FOXN2: variants seen among roughly 807,000 people sequenced by gnomAD.
FOXN2 encodes the protein forkhead box protein N2.
Under a neutral mutation model 41.2 loss-of-function variants are expected in FOXN2, and 19 were observed. That is an observed-to-expected ratio of 0.46 (90% confidence interval 0.32 to 0.68). FOXN2 has a LOEUF of 0.68. Among genes scored for constraint, FOXN2 ranks in the 30% least tolerant of loss-of-function variants. The pLI is 0.03. For synonymous variants in FOXN2, 195 were observed against 176.8 expected (o/e 1.10, Z -0.82); for missense variants, 587 against 509.4 (o/e 1.15, Z -1.47).
At chr2:48,327,113 C>T (rs1360711538) in intron 1 of FOXN2, among the ~76,000 whole-genome samples, 4 of 152,002 alleles carry the variant, frequency 2.6e-5, no homozygotes, top group African/African-American at 7.2e-5. Context: ...CTGAACTTTA[C>T]GTCACGTATA....
intron 3 of FOXN2, 93 bp downstream of exon 3, chr2:48,346,844 G>T (rs538869527): frequency 3.7e-5 from 39 of 1,060,758 alleles, no homozygotes; most frequent in Non-Finnish European, 5.0e-5. Flanking sequence ...GAGACAATAA[G>T]TAGTCAAGTC....
rs372780873 is a variant in FOXN2, at chr2:48,372,922, C to CA, written c.704-356dup. ...TAATGATAGTATTCAAGTAAAAATG[C>CA]AAAAAAAAAAAAAAGGAGTAACGAT... On this transcript the variant is annotated intron_variant, in intron 5 of 6. Coordinates refer to ENST00000340553, the MANE Select transcript of FOXN2 (RefSeq NM_002158.4). Among the ~76,000 whole-genome samples, 315 of 107,490 alleles carry CA rather than the reference C, an allele frequency of 2.9e-3. 3 individuals are homozygous for CA. Among genetic ancestry groups the CA allele is most frequent in the South Asian group, 5.4e-3 (20 of 3,692 alleles). 70.5% of individuals were successfully genotyped at this position (107,490 alleles called of 152,430 possible).
intron 5 of FOXN2, among the ~76,000 whole-genome samples, chr2:48,369,538 C>CA (rs1256525841): frequency 4.0e-5 from 6 of 151,008 alleles, no homozygotes; most frequent in South Asian, 2.1e-4. Flanking sequence ...AACTCCATCT[C>CA]AAAAAAAAGA....
intron 2 of FOXN2, among the ~76,000 whole-genome samples, chr2:48,345,720 T>G (rs1419370810): frequency 6.6e-6 from 1 of 152,112 alleles, no homozygotes; most frequent in Non-Finnish European, 1.5e-5. Flanking sequence ...TAGTAAATAT[T>G]TGAGATTTGA....
chr2:48,316,032 C>A (rs1240344152), intron 1 of FOXN2, among the ~76,000 whole-genome samples: 2 of 151,976 alleles, frequency 1.3e-5, no homozygotes, highest in African/African-American at 2.4e-5. Flanking sequence ...GCCACGTGGC[C>A]GGCTGAGTGT....
At chr2:48,347,021 C>T (rs1572736890) in intron 3 of FOXN2, among the ~76,000 whole-genome samples, 1 of 152,076 alleles carries the variant, frequency 6.6e-6, no homozygotes, top group East Asian at 1.9e-4. Context: ...CTGTAGTGTT[C>T]CTATAACTAT....
Position 48,346,745 on chromosome 2 carries a change from T to C in FOXN2, c.531T>C (p.His177=), listed in dbSNP as rs761974067. The part of the protein sequence containing the change: ...NKCFQKVERS[H]GKVNGKGSLW... Reference sequence around the variant, plus strand: ...GTTTTCAGAAAGTGGAAAGAAGCCATGGCAAGGTCAGTGTTTATGAACATT... The same window carrying C: ...GTTTTCAGAAAGTGGAAAGAAGCCACGGCAAGGTCAGTGTTTATGAACATT... Residue 177 remains histidine (H), a synonymous_variant, in exon 3 of 7, where the codon CAT becomes CAC. Coordinates refer to ENST00000340553, the MANE Select transcript of FOXN2 (RefSeq NM_002158.4). 1.5e-5 allele frequency: 23 copies of C among 1,584,156 alleles called. No homozygotes were observed. In the East Asian group the frequency reaches 2.9e-4, roughly 20 times the overall value.
chr2:48,338,908 A>G lies in FOXN2; in HGVS notation c.-14-7293A>G, dbSNP rs545245601. 8.5e-5 allele frequency among the ~76,000 whole-genome samples: 13 copies of G among 152,242 alleles called. No individual in the cohort carries two copies. In the South Asian group the frequency reaches 1.9e-3, roughly 22 times the overall value. On this transcript the variant is annotated intron_variant, in intron 2 of 6. Transcript: ENST00000340553. ...AATTTCTTACTAAAAGCAACCAATA[A>G]AGAGATTGAAAAGACAAGTCATCTA...
chr2:48,334,457 G>A (rs778121905), intron 2 of FOXN2, among the ~76,000 whole-genome samples: 8 of 149,792 alleles, frequency 5.3e-5, no homozygotes, highest in African/African-American at 1.2e-4. Flanking sequence ...CTTTAGTGAC[G>A]TTGTCATCAG....
chr2:48,317,460 A>AAT (rs1491587065), intron 1 of FOXN2, among the ~76,000 whole-genome samples: 14 of 148,308 alleles, frequency 9.4e-5, no homozygotes, highest in African/African-American at 2.8e-4. Flanking sequence ...AAAAAAAAAA[A>AAT]TTTTTTTTTT....
At position 48,374,969 on chromosome 2, in the gene FOXN2, C is replaced by T. The variant is rs144420824; in HGVS notation, c.822C>T (p.Tyr274=). The T allele has an allele frequency of 5.9e-5, 95 of 1,613,692 alleles. No homozygotes were observed. Among genetic ancestry groups the T allele is most frequent in the Admixed American group, 3.3e-4 (20 of 59,942 alleles). Residue 274 remains tyrosine, a synonymous_variant, in exon 7 of 7, where the codon TAC becomes TAT. Transcript: ENST00000340553. ...LKTALQKKRS[Y]GNAFHHPSAV... ...CAGCATTGCAAAAAAAGAGGAGTTA[C>T]GGCAATGCATTTCATCATCCCAGTG...
Position 48,378,791 on chromosome 2 carries a change from G to A in FOXN2, c.*3348G>A, listed in dbSNP as rs1673400144. 6.6e-6 allele frequency: 1 copy of A among 151,752 alleles called. No homozygotes were observed. Among genetic ancestry groups the A allele is most frequent in the Non-Finnish European group, 1.5e-5 (1 of 67,862 alleles). The allele number at this position is 151,752 out of a possible 1,614,324, so 9.4% of individuals were successfully genotyped here. A position where few individuals can be genotyped will look rare whatever the true frequency, so the allele number is the denominator to read the frequency against. On this transcript the variant is annotated 3_prime_UTR_variant, in exon 7 of 7. Coordinates refer to ENST00000340553, the MANE Select transcript of FOXN2 (RefSeq NM_002158.4). ...AAAATATTTATTGAAAGGTGAATTCGAGTATTTTAATGTTATACCTGCCAT... is the reference window on the plus strand; with the variant it reads ...AAAATATTTATTGAAAGGTGAATTCAAGTATTTTAATGTTATACCTGCCAT...
chr2:48,371,138 C>G (rs2104525473), intron 5 of FOXN2, among the ~76,000 whole-genome samples: 1 of 152,280 alleles, frequency 6.6e-6, no homozygotes, highest in East Asian at 1.9e-4. Context: ...TGGCTCATGC[C>G]TATAATCCCA....
In FOXN2 at chr2:48,376,423, A is replaced by T. The variant is rs894611786; in HGVS notation, c.*980A>T. ...CATGTTATCATACATAAAGTAGGTC[A>T]TTTAGGAAAAAACTTCTGTCCAAGC... On this transcript the variant is annotated 3_prime_UTR_variant, in exon 7 of 7. Transcript: ENST00000340553. 2 of 152,288 alleles carry T rather than the reference A, an allele frequency of 1.3e-5. No individual in the cohort carries two copies. Among genetic ancestry groups the T allele is most frequent in the East Asian group, 1.9e-4 (1 of 5,200 alleles). 9.4% of individuals were successfully genotyped at this position (152,288 alleles called of 1,614,324 possible). A position where few individuals can be genotyped will look rare whatever the true frequency, so the allele number is the denominator to read the frequency against.
chr2:48,343,874 A>G (rs535220348), intron 2 of FOXN2, among the ~76,000 whole-genome samples: 13 of 152,336 alleles, frequency 8.5e-5, no homozygotes, highest in Admixed American at 1.3e-4. Flanking sequence ...TTTAAAGCCT[A>G]TGACATAGAA....
intron 3 of FOXN2, among the ~76,000 whole-genome samples, chr2:48,349,631 C>T (rs1671328149): frequency 6.6e-6 from 1 of 152,058 alleles, no homozygotes; most frequent in Admixed American, 6.6e-5. Flanking sequence ...ACAAATTAGC[C>T]AGACATGGTG....
intron 5 of FOXN2, among the ~76,000 whole-genome samples, chr2:48,366,622 A>G (rs1210988297): frequency 6.6e-6 from 1 of 152,164 alleles, no homozygotes; most frequent in East Asian, 1.9e-4. Context: ...GCCTAGAACA[A>G]TTAATAAGCC....
intron 2 of FOXN2, among the ~76,000 whole-genome samples, chr2:48,335,171 G>C (rs1670253378): frequency 6.6e-6 from 1 of 152,116 alleles, no homozygotes; most frequent in Non-Finnish European, 1.5e-5. Flanking sequence ...TCACGTTTTG[G>C]AATTATCAGA....
intron 5 of FOXN2, among the ~76,000 whole-genome samples, chr2:48,364,527 C>T (rs1320961239): frequency 6.6e-6 from 1 of 152,170 alleles, no homozygotes; most frequent in Non-Finnish European, 1.5e-5. Flanking sequence ...ATACTAGATT[C>T]ACACTGTGTA....
Sources: gnomAD v4.1 joint callset for allele counts (sites outside exome capture counted in the v4.1 genomes callset) on GRCh38, gnomAD v4.1.1 for gene constraint, MANE v1.5 for transcripts, NCBI Gene and HGNC (gene_info 2026-07-23, HGNC 2026-07-21) for gene names.